Variants in HERPUD2 observed in about 807,000 individuals in gnomAD.
HERPUD2 encodes HERPUD family member 2.
In HERPUD2, 13 loss-of-function variants were observed where a neutral mutation model predicts 49.9. The ratio of observed to expected loss-of-function variants is 0.26; its 90% CI spans 0.17 to 0.41. The LOEUF is 0.41. Ranked by LOEUF, HERPUD2 falls within the 10% of genes least tolerant of loss-of-function variation. The pLI is 1.00. For synonymous variants in HERPUD2, 172 were observed against 171.4 expected, an observed-to-expected ratio of 1.00 and a Z score of -0.03; for missense variants, 449 against 492.2, an observed-to-expected ratio of 0.91 and a Z score of 0.83.
intron 5 of HERPUD2, among the ~76,000 whole-genome samples, chr7:35,644,892 T>C (rs181880612): frequency 6.6e-6 from 1 of 152,308 alleles, no homozygotes; most frequent in East Asian, 1.9e-4. Context: ...AAGTGAATAC[T>C]AGATGATATT....
intron 3 of HERPUD2, 54 bp from the exon 4 acceptor site, chr7:35,670,382 A>G: frequency 2.5e-6 from 2 of 793,720 alleles, no homozygotes; most frequent in African/African-American, 3.6e-5. Context: ...TGTACAGTTC[A>G]AAAAGTCAGT....
Position 35,660,146 on chromosome 7 carries a change from C to T in HERPUD2, c.494+7288G>A, listed in dbSNP as rs530547606. On this transcript the variant is annotated intron_variant, in intron 5 of 8. Transcript: ENST00000311350. ...TACGGTGTTTTGTTTTCTGTCCTTGCGATAGTTTGCTCAGAATGATGGTTT... is the reference window on the plus strand; with the variant it reads ...TACGGTGTTTTGTTTTCTGTCCTTGTGATAGTTTGCTCAGAATGATGGTTT... 9.9e-5 allele frequency among the ~76,000 whole-genome samples: 15 copies of T among 152,250 alleles called. No homozygotes were observed. The South Asian group carries it at 2.5e-3, about 25-fold the overall frequency.
chr7:35,686,636 G>A (rs1340781072), intron 2 of HERPUD2, among the ~76,000 whole-genome samples: 7 of 112,498 alleles, frequency 6.2e-5, no homozygotes, highest in Non-Finnish European at 1.3e-4. Context: ...GGAGAATGGC[G>A]TGAACCCGGG....
intron 2 of HERPUD2, among the ~76,000 whole-genome samples, chr7:35,689,664 G>C (rs1286807750): frequency 1.3e-5 from 2 of 152,178 alleles, no homozygotes; most frequent in Non-Finnish European, 2.9e-5. Flanking sequence ...GAATCTGAGA[G>C]TAAAGGAACA....
intron 5 of HERPUD2, among the ~76,000 whole-genome samples, chr7:35,649,252 G>GACA (rs1469428173): frequency 1.7e-5 from 2 of 119,596 alleles, no homozygotes; most frequent in Non-Finnish European, 3.5e-5. Flanking sequence ...CTCCATCTCT[G>GACA]AAAAAAAAAA....
intron 5 of HERPUD2, among the ~76,000 whole-genome samples, chr7:35,642,355 T>C (rs1784979399): frequency 6.6e-6 from 1 of 152,174 alleles, no homozygotes. Flanking sequence ...TTCTACACTG[T>C]TGGTGGGAGT....
chr7:35,686,430 G>A (rs1463561334), intron 2 of HERPUD2, among the ~76,000 whole-genome samples: 1 of 142,984 alleles, frequency 7.0e-6, no homozygotes, highest in Non-Finnish European at 1.5e-5. Flanking sequence ...CTCATGATCC[G>A]CCCACCTCGG....
At chr7:35,693,197 GCA>G (rs1786230331) in intron 2 of HERPUD2, among the ~76,000 whole-genome samples, 5 of 152,242 alleles carry the variant, frequency 3.3e-5, no homozygotes, top group Admixed American at 6.5e-5. Flanking sequence ...TATTATCTCT[GCA>G]ATATCCAGTT....
rs1471623951 is a variant in HERPUD2, at chr7:35,634,395, C to T, written c.976G>A (p.Gly326Arg). 6.2e-7 allele frequency: 1 copy of T among 1,613,842 alleles called. No homozygotes were observed. The highest frequency in any genetic ancestry group is 1.7e-5 in the Admixed American group (1 of 60,020). Reference sequence around the variant, plus strand: ...TTGTTGGGAGCCTGCTGATGACCTCCTTCTTGCCTAAAAGGAAACCATCCA... The same window carrying T: ...TTGTTGGGAGCCTGCTGATGACCTCTTTCTTGCCTAAAAGGAAACCATCCA... Reference protein sequence around the residue: ...QAGWFPFRQEGGHQQAPNNNA... With the variant: ...QAGWFPFRQERGHQQAPNNNA... The change falls in exon 8 of 9, where the codon GGA becomes AGA. Residue 326 changes from glycine to arginine, a missense_variant. Coordinates refer to ENST00000311350, the MANE Select transcript of HERPUD2 (RefSeq NM_022373.5).
intron 2 of HERPUD2, among the ~76,000 whole-genome samples, chr7:35,682,405 G>A (rs1310052689): frequency 4.0e-5 from 5 of 124,496 alleles, no homozygotes; most frequent in Admixed American, 2.5e-4. Context: ...GGCATACAAG[G>A]GACATACCTC....
chr7:35,659,979 T>C (rs1785375744), intron 5 of HERPUD2, among the ~76,000 whole-genome samples: 1 of 152,110 alleles, frequency 6.6e-6, no homozygotes, highest in Non-Finnish European at 1.5e-5. Context: ...GCTGCACCCA[T>C]TAACTCGTCA....
intron 5 of HERPUD2, among the ~76,000 whole-genome samples, chr7:35,639,853 C>G (rs1249221920): frequency 6.6e-6 from 1 of 152,144 alleles, no homozygotes; most frequent in Non-Finnish European, 1.5e-5. Flanking sequence ...CACATATTAC[C>G]TGAACTTTCC....
chr7:35,691,115 A>G (rs1294910690), intron 2 of HERPUD2, among the ~76,000 whole-genome samples: 1 of 152,220 alleles, frequency 6.6e-6, no homozygotes, highest in East Asian at 1.9e-4. Context: ...CTTAGCATAA[A>G]TATTCAAATG....
At chr7:35,635,805 T>TAA (rs1382061616) in intron 6 of HERPUD2, among the ~76,000 whole-genome samples, 1 of 152,208 alleles carries the variant, frequency 6.6e-6, no homozygotes, top group Admixed American at 6.5e-5. Flanking sequence ...CCCCTTTTGT[T>TAA]ATTCTACATG....
intron 2 of HERPUD2, among the ~76,000 whole-genome samples, chr7:35,686,874 T>C (rs1304843377): frequency 2.7e-5 from 3 of 109,146 alleles, no homozygotes; most frequent in Non-Finnish European, 5.2e-5. Flanking sequence ...GAGACCAGCC[T>C]GGCTAACATG....
intron 5 of HERPUD2, among the ~76,000 whole-genome samples, chr7:35,647,271 C>A (rs1332517669): frequency 1.3e-5 from 2 of 152,096 alleles, no homozygotes; most frequent in East Asian, 3.9e-4. Context: ...CCCTTCAAGG[C>A]AGCTCAAATG....
intron 2 of HERPUD2, among the ~76,000 whole-genome samples, chr7:35,676,527 C>T (rs1785764801): frequency 6.6e-6 from 1 of 152,160 alleles, no homozygotes; most frequent in Admixed American, 6.5e-5. Flanking sequence ...TTTCATGCCC[C>T]AGACCTAGAA....
chr7:35,693,955 G>A (rs542794908), intron 2 of HERPUD2, among the ~76,000 whole-genome samples: 1 of 152,250 alleles, frequency 6.6e-6, no homozygotes, highest in Admixed American at 6.5e-5. Context: ...CAATTCTTAA[G>A]TCCCTTGATA....
intron 5 of HERPUD2, among the ~76,000 whole-genome samples, chr7:35,658,646 T>C (rs1785336113): frequency 6.6e-6 from 1 of 152,226 alleles, no homozygotes; most frequent in Non-Finnish European, 1.5e-5. Flanking sequence ...GTACAATAAG[T>C]AGCTTTTCAG....
Sources: allele counts gnomAD v4.1 joint callset (sites outside exome capture counted in the v4.1 genomes callset), GRCh38; gene constraint gnomAD v4.1.1; transcripts MANE v1.5; gene names NCBI Gene and HGNC (gene_info 2026-07-23, HGNC 2026-07-21).